The following MDGA2 variants were observed in gnomAD, a reference collection of about 807,000 sequenced individuals.
MDGA2 encodes the protein MAM domain containing glycosylphosphatidylinositol anchor 2.
Under a neutral mutation model 117.8 loss-of-function variants are expected in MDGA2, and 40 were observed. That is an observed-to-expected ratio of 0.34 (90% CI 0.26 to 0.44). The LOEUF (loss-of-function observed/expected upper bound fraction) is 0.44. MDGA2 is among the 20% of genes least tolerant of loss of function. MDGA2 has a pLI of 1.00. For missense variants in MDGA2, 1,123 were observed against 1,250.6 expected, an observed-to-expected ratio of 0.90 and a Z score of 1.54; for synonymous variants, 452 against 439.0, an observed-to-expected ratio of 1.03 and a Z score of -0.37.
At chr14:47,306,890 A>C (rs773131198) in intron 1 of MDGA2, among the ~76,000 whole-genome samples, 39 of 152,128 alleles carry the variant, frequency 2.6e-4, no homozygotes, top group Non-Finnish European at 5.1e-4. Flanking sequence ...AGATAGAGAC[A>C]GACAGACAGC....
intron 1 of MDGA2, among the ~76,000 whole-genome samples, chr14:47,482,719 C>G (rs2138637442): frequency 6.6e-6 from 1 of 151,934 alleles, no homozygotes; most frequent in African/African-American, 2.4e-5. Context: ...CATTCTAACT[C>G]CTATGTTGAT....
intron 8 of MDGA2, among the ~76,000 whole-genome samples, chr14:47,031,193 T>C (rs1396358955): frequency 6.7e-6 from 1 of 149,482 alleles, no homozygotes; most frequent in Non-Finnish European, 1.5e-5. Flanking sequence ...GATGGTTCCA[T>C]TATTTACATT....
intron 9 of MDGA2, among the ~76,000 whole-genome samples, 198 bp from the exon 10 acceptor site, chr14:46,920,358 G>T (rs987620937): frequency 3.9e-5 from 6 of 152,184 alleles, no homozygotes; most frequent in Non-Finnish European, 8.8e-5. Context: ...AAAGAAGGAA[G>T]AACACAAAGC....
chr14:47,579,078 G>A (rs80113061), intron 1 of MDGA2, among the ~76,000 whole-genome samples: 17,410 of 151,912 alleles, frequency 0.11, 1,160 homozygotes, highest in African/African-American at 0.17. Context: ...ATAATTTACA[G>A]AACAGGAAAG....
chr14:47,074,128 T>C (rs867956506), intron 6 of MDGA2, among the ~76,000 whole-genome samples: 1 of 111,724 alleles, frequency 9.0e-6, no homozygotes. Flanking sequence ...TAATTAATCA[T>C]TAATTAAAAC....
intron 3 of MDGA2, among the ~76,000 whole-genome samples, chr14:47,150,555 G>A (rs1036841323): frequency 9.2e-5 from 14 of 151,886 alleles, no homozygotes; most frequent in African/African-American, 3.4e-4. Context: ...GAACTCACAG[G>A]GCATTACCTT....
chr14:47,017,764 C>T (rs2138567804), intron 8 of MDGA2, among the ~76,000 whole-genome samples: 1 of 152,144 alleles, frequency 6.6e-6, no homozygotes, highest in African/African-American at 2.4e-5. Context: ...TCAGAGATCC[C>T]ATATAAATCT....
chr14:47,102,394 A>C lies in MDGA2; in HGVS notation c.926-5271T>G, dbSNP rs5017746. Among the ~76,000 whole-genome samples, 168 of 128,554 alleles carry C rather than the reference A, an allele frequency of 1.3e-3. 2 individuals carry two copies. Among genetic ancestry groups the C allele is most frequent in the African/African-American group, 3.9e-3 (127 of 32,606 alleles). The allele number at this position is 128,554 out of a possible 152,430, so 84.3% of individuals were successfully genotyped here. On this transcript the variant is annotated intron_variant, in intron 5 of 16. Coordinates refer to ENST00000399232, the MANE Select transcript of MDGA2 (RefSeq NM_001113498.3). ...ACACACACACACACACACACACACA[A>C]ACACACACACACACACACAAACTAA... is the stretch of plus-strand genomic sequence containing the variant.
At chr14:47,604,487 A>ACCCCCCCCCCCCCTCCCCC (rs60602833) in intron 1 of MDGA2, among the ~76,000 whole-genome samples, 3 of 92,052 alleles carry the variant, frequency 3.3e-5, no homozygotes, top group South Asian at 4.9e-4. Context: ...CAGCTTCCCC[A>ACCCCCCCCCCCCCTCCCCC]CCCCCCCCCA....
chr14:47,325,957 T>C (rs1298394208), intron 1 of MDGA2, among the ~76,000 whole-genome samples: 3 of 152,152 alleles, frequency 2.0e-5, no homozygotes, highest in Non-Finnish European at 2.9e-5. Context: ...AAGACAGTTA[T>C]TGCGGAAGAT....
intron 2 of MDGA2, among the ~76,000 whole-genome samples, chr14:47,292,365 T>A (rs1444055944): frequency 2.6e-5 from 4 of 152,160 alleles, no homozygotes; most frequent in African/African-American, 9.7e-5. Context: ...AGTGTGAGGA[T>A]CCTGCTTGTT....
chr14:47,513,993 A>ATT (rs1894698379), intron 1 of MDGA2, among the ~76,000 whole-genome samples: 2 of 152,164 alleles, frequency 1.3e-5, no homozygotes, highest in Non-Finnish European at 2.9e-5. Context: ...CTAGTAGGCT[A>ATT]AAACATTATG....
At chr14:47,405,440 C>T (rs1892241123) in intron 1 of MDGA2, among the ~76,000 whole-genome samples, 1 of 152,128 alleles carries the variant, frequency 6.6e-6, no homozygotes, top group African/African-American at 2.4e-5. Flanking sequence ...GAGAATTAAT[C>T]ATTCATTTCT....
In MDGA2 at chr14:47,053,066, G is replaced by A. The variant is rs377651563; in HGVS notation, c.1525+8183C>T. Among the ~76,000 whole-genome samples the A allele has an allele frequency of 1.0e-3, 156 of 151,974 alleles. 2 individuals carry two copies. The highest frequency in any genetic ancestry group is 3.5e-3 in the African/African-American group (144 of 41,512). ...AATCATTCACATTTATTTTCATGCCGGTGAAGAAGTACTGAAGGCTGTGAA... is the reference window on the plus strand; with the variant it reads ...AATCATTCACATTTATTTTCATGCCAGTGAAGAAGTACTGAAGGCTGTGAA... On this transcript the variant is annotated intron_variant, in intron 7 of 16. Transcript: ENST00000399232.
chr14:47,406,875 A>T (rs1892271024), intron 1 of MDGA2, among the ~76,000 whole-genome samples: 1 of 152,098 alleles, frequency 6.6e-6, no homozygotes, highest in Non-Finnish European at 1.5e-5. Flanking sequence ...ACTGCCACTC[A>T]CTGTTTGACA....
In MDGA2 at chr14:47,537,573, T is replaced by TAAAAAAAAAAAAAA. The variant is rs1566504353; in HGVS notation, c.280+136943_280+136944insTTTTTTTTTTTTTT. The stretch of plus-strand genomic sequence containing the variant: ...ATTATCCACTGTTACCTTCTCTCTG[T>TAAAAAAAAAAAAAA]TAAAAAAAAAAAAAAAAAAAAAAAA... On this transcript the variant is annotated intron_variant, in intron 1 of 16. Coordinates refer to ENST00000399232, the MANE Select transcript of MDGA2 (RefSeq NM_001113498.3). Among the ~76,000 whole-genome samples the TAAAAAAAAAAAAAA allele has an allele frequency of 1.1e-4, 6 of 57,102 alleles. 2 individuals are homozygous for TAAAAAAAAAAAAAA. The highest frequency in any genetic ancestry group is 2.3e-4 in the Admixed American group (1 of 4,258). The allele number at this position is 57,102 out of a possible 152,430, so 37.5% of individuals were successfully genotyped here.
intron 1 of MDGA2, among the ~76,000 whole-genome samples, chr14:47,341,440 A>T (rs8010964): frequency 0.34 from 50,965 of 152,024 alleles, 9,371 homozygotes; most frequent in Admixed American, 0.52. Context: ...TTTAAAGTGT[A>T]AGAAATATCT....
intron 1 of MDGA2, among the ~76,000 whole-genome samples, chr14:47,335,869 A>T (rs1890440831): frequency 6.6e-6 from 1 of 151,170 alleles, no homozygotes; most frequent in Admixed American, 6.6e-5. Context: ...AGTGGACTTC[A>T]GGACTCAAAT....
chr14:47,077,051 T>A (rs572735917), intron 6 of MDGA2, among the ~76,000 whole-genome samples: 1 of 152,224 alleles, frequency 6.6e-6, no homozygotes, highest in African/African-American at 2.4e-5. Flanking sequence ...AACAAGTTTT[T>A]TTTTTAGTAT....
Sources: allele counts gnomAD v4.1 joint callset (sites outside exome capture counted in the v4.1 genomes callset), GRCh38; gene constraint gnomAD v4.1.1; transcripts MANE v1.5; gene names NCBI Gene and HGNC (gene_info 2026-07-23, HGNC 2026-07-21).